CPSF1: variants seen among roughly 807,000 people sequenced by gnomAD.
The protein encoded by CPSF1 is cleavage and polyadenylation specific factor 1.
A neutral mutation model predicts 175.8 loss-of-function variants in CPSF1; 106 were observed. The observed-to-expected ratio is 0.60, with a 90% CI of 0.52 to 0.71. The LOEUF (loss-of-function observed/expected upper bound fraction) is 0.71, where lower values mean the gene tolerates loss of function less well. Among genes scored for constraint, CPSF1 ranks in the 30% least tolerant of loss-of-function variants. The pLI, the probability that CPSF1 is intolerant of heterozygous loss-of-function variation, is 0.00. For missense variants in CPSF1, 1,734 were observed against 2,022.9 expected (o/e 0.86, Z 2.74); for synonymous variants, 1,024 against 858.3 (o/e 1.19, Z -3.37).
intron 2 of CPSF1, among the ~76,000 whole-genome samples, chr8:144,407,381 CTTTTATA>C (rs57931871): frequency 0.089 from 13,587 of 152,090 alleles, 680 homozygotes; most frequent in Middle Eastern, 0.14. Context: ...GCCCAGCTAA[CTTTTATA>C]TTTTATATTT....
chr8:144,402,702 A>G (rs1040521660), intron 2 of CPSF1, among the ~76,000 whole-genome samples: 4 of 152,172 alleles, frequency 2.6e-5, no homozygotes, highest in African/African-American at 9.7e-5. Flanking sequence ...TCACAGCGAC[A>G]AGGGCAACTC....
In CPSF1 at chr8:144,400,575, C is replaced by T. The variant is rs1041372361; in HGVS notation, c.687-82G>A. On this transcript the variant is annotated intron_variant, in intron 7 of 37. Transcript: ENST00000616140. ...AGCTCCTCCCGAGCAAGCCCCACCA[C>T]ACCCCATAGGCCCCGCCCTAAACCC... 13 of 1,606,022 alleles carry T rather than the reference C, an allele frequency of 8.1e-6. No homozygotes were observed. In the East Asian group the frequency reaches 1.1e-4, roughly 14 times the overall value.
Position 144,398,327 on chromosome 8 carries a change from T to C in CPSF1, c.1869A>G (p.Pro623=). The C allele has an allele frequency of 1.7e-6, 2 of 1,148,006 alleles. No homozygotes were observed. Among genetic ancestry groups the C allele is most frequent in the East Asian group, 7.2e-5 (2 of 27,716 alleles). The allele number at this position is 1,148,006 out of a possible 1,614,324, so 71.1% of individuals were successfully genotyped here. A position where few individuals can be genotyped will look rare whatever the true frequency, so the allele number is the denominator to read the frequency against. ...CTCCTTCCAGCAGGCGGATGCCCAG[T>C]GGTGACACTTGGACAATGTAGCGGT... is the stretch of plus-strand genomic sequence containing the variant. ...GDNRYIVQVS[P]LGIRLLEGVN... is the part of the protein sequence containing the mutation. Residue 623 remains proline (P), a synonymous_variant, in exon 19 of 38, where the codon CCA becomes CCG. Coordinates refer to ENST00000616140, the MANE Select transcript of CPSF1 (RefSeq NM_013291.3).
In CPSF1 at chr8:144,394,635, C is replaced by A. The variant is rs781803683; in HGVS notation, c.3567+9G>T. 7 of 1,604,530 alleles carry A rather than the reference C, an allele frequency of 4.4e-6. No individual in the cohort carries two copies. In the South Asian group the frequency reaches 5.6e-5, roughly 13 times the overall value. On this transcript the variant is annotated intron_variant, in intron 31 of 37. Transcript: ENST00000616140. ...GCCGGGGGACACACGCCGGGTGGGA[C>A]TGGCACACCTTCTGGCCGATGGCCG...
chr8:144,405,795 A>T (rs1821468364), intron 2 of CPSF1, among the ~76,000 whole-genome samples: 1 of 152,100 alleles, frequency 6.6e-6, no homozygotes, highest in Admixed American at 6.6e-5. Flanking sequence ...TAGGGCTCTG[A>T]GTTCCTGCAA....
Position 144,399,087 on chromosome 8 carries a change from C to G in CPSF1, c.1467+41G>C, listed in dbSNP as rs2116858508. 63 of 1,545,492 alleles carry G rather than the reference C, an allele frequency of 4.1e-5. No individual in the cohort carries two copies. Among genetic ancestry groups the G allele is most frequent in the Non-Finnish European group, 5.2e-5 (60 of 1,144,284 alleles). On this transcript the variant is annotated intron_variant, in intron 15 of 37. Coordinates refer to ENST00000616140, the MANE Select transcript of CPSF1 (RefSeq NM_013291.3). The surrounding 1 kb of genome is among the most constrained non-coding windows in gnomAD (Gnocchi z 6.4). ...ACTATGCCCCCCACCCCCCCTCACA[C>G]TCCAGCCCCTGCCCCCAGCCCCGAC...
Position 144,397,314 on chromosome 8 carries a change from G to A in CPSF1, c.2485C>T (p.Gln829Ter), listed in dbSNP as rs1554864293. ...GCCTCCTCCCTGCGGGCCTCGCCCT[G>A]TGTAGTGGGCTGTCCAAAGGAGCTG... is the stretch of plus-strand genomic sequence containing the variant. ...VDSSFGQPTT[Q>*]GEARREEATR... The change falls in exon 23 of 38, where the codon CAG becomes TAG. Residue 829 changes from glutamine to a stop codon, truncating the protein, a stop_gained. Coordinates refer to ENST00000616140, the MANE Select transcript of CPSF1 (RefSeq NM_013291.3). LOFTEE classifies it high-confidence loss of function. 1.3e-6 allele frequency: 2 copies of A among 1,554,158 alleles called. No homozygotes were observed.
rs2116869653 is a variant in CPSF1, at chr8:144,400,059, G to A, written c.964C>T (p.Leu322=). Residue 322 remains leucine (L), a synonymous_variant, in exon 10 of 38, where the codon CTG becomes TTG. Transcript: ENST00000616140. ...ATGAAGGTGGCCTGGGCGCAGTCCA[G>A]GGTGATCCGCACACCCTCCTGGGTG... ...LRTQEGVRIT[L]DCAQATFISY... is the part of the protein sequence containing the mutation. 1.9e-6 allele frequency: 3 copies of A among 1,611,930 alleles called. No individual in the cohort carries two copies. The highest frequency in any genetic ancestry group is 2.5e-6 in the Non-Finnish European group (3 of 1,179,864).
intron 9 of CPSF1, 21 bp downstream of exon 9, chr8:144,400,145 C>CG: frequency 2.2e-6 from 3 of 1,367,638 alleles, no homozygotes; most frequent in Admixed American, 4.1e-5. Flanking sequence ...GCCCCCCCCG[C>CG]CCCAGCCACC....
At chr8:144,409,237 C>T in intron 1 of CPSF1, 52 bp downstream of exon 1, 1 of 1,271,786 alleles carries the variant, frequency 7.9e-7, no homozygotes, top group East Asian at 3.0e-5. Context: ...CCCCGCACCG[C>T]GCCCCTCCCC....
chr8:144,401,912 T>C (rs1048954673), intron 2 of CPSF1, among the ~76,000 whole-genome samples: 1 of 152,014 alleles, frequency 6.6e-6, no homozygotes, highest in Non-Finnish European at 1.5e-5. Context: ...AGGAAGCCCC[T>C]ACCTCACGGC....
At position 144,396,672 on chromosome 8, in the gene CPSF1, C is replaced by T. The variant is rs368124064; in HGVS notation, c.2752G>A (p.Ala918Thr). ...PSKKKAEGGG[A>T]EEGAGARGRV... ...CCCCGGGCCCCAGCCCCCTCCTCTG[C>T]GCCGCCACCTTCTGCTTTCTTCTTG... is the stretch of plus-strand genomic sequence containing the variant. The change falls in exon 25 of 38, where the codon GCA becomes ACA. Residue 918 changes from alanine (A) to threonine (T), a missense_variant. Physicochemically the swap from Ala to Thr is moderately conservative, Grantham distance 58. Transcript: ENST00000616140. 4.0e-5 allele frequency: 64 copies of T among 1,613,902 alleles called. 3 individuals are homozygous for T. In the South Asian group the frequency reaches 5.3e-4, roughly 13 times the overall value.
intron 1 of CPSF1, 44 bp from the exon 2 acceptor site, chr8:144,409,216 C>G: frequency 6.8e-7 from 1 of 1,461,866 alleles, no homozygotes; most frequent in Non-Finnish European, 9.1e-7. Flanking sequence ...GTCGCCCACG[C>G]AGGAGCCCGG....
At chr8:144,395,900 C>T (rs1554863562) in intron 26 of CPSF1, 1 of 436,546 alleles carries the variant, frequency 2.3e-6, no homozygotes, top group Non-Finnish European at 4.2e-6. Context: ...ATGGACAGTC[C>T]TGAGTCCTCA....
intron 1 of CPSF1, 32 bp from the exon 2 acceptor site, chr8:144,409,204 G>C (rs782088588): frequency 6.6e-7 from 1 of 1,507,756 alleles, no homozygotes; most frequent in Non-Finnish European, 8.9e-7. Flanking sequence ...AGGGTGAGCG[G>C]GGTCGCCCAC....
rs1463709761 is a variant in CPSF1, at chr8:144,394,290, G to A, written c.3755C>T (p.Pro1252Leu). The change falls in exon 33 of 38, where the codon CCC (proline) becomes CTC (leucine). Residue 1252 changes from proline (P) to leucine (L), a missense_variant. Coordinates refer to ENST00000616140, the MANE Select transcript of CPSF1 (RefSeq NM_013291.3). ...GAAGTCCACGCTGTACACCTCCAGGGGCTTGGCATCCTGGGGGCGGGAAGG... is the reference window on the plus strand; with the variant it reads ...GAAGTCCACGCTGTACACCTCCAGGAGCTTGGCATCCTGGGGGCGGGAAGG... Reference protein sequence around the residue: ...TLSLVSRDAKPLEVYSVDFMV... With the variant: ...TLSLVSRDAKLLEVYSVDFMV... The A allele has an allele frequency of 1.3e-6, 2 of 1,593,998 alleles. No homozygotes were observed. The highest frequency in any genetic ancestry group is 1.7e-6 in the Non-Finnish European group (2 of 1,168,318).
rs1554861838 is a variant in CPSF1 at position 144,393,233 on chromosome 8, A to T, written c.*85T>A. 2.8e-6 allele frequency: 4 copies of T among 1,408,786 alleles called. No homozygotes were observed. The highest frequency in any genetic ancestry group is 3.8e-6 in the Non-Finnish European group (4 of 1,056,356). The allele number at this position is 1,408,786 out of a possible 1,614,324, so 87.3% of individuals were successfully genotyped here. On this transcript the variant is annotated 3_prime_UTR_variant, in exon 38 of 38. Coordinates refer to ENST00000616140, the MANE Select transcript of CPSF1 (RefSeq NM_013291.3). ...CGTGTAATGACCACACACTCCTCTC[A>T]AGCAAAAAATGTTTTTCCTTGTGTT...
intron 2 of CPSF1, among the ~76,000 whole-genome samples, chr8:144,404,257 T>C (rs1821373305): frequency 6.6e-6 from 1 of 152,088 alleles, no homozygotes; most frequent in South Asian, 2.1e-4. Flanking sequence ...TTTTCCCTCT[T>C]GGTCAGGACC....
At chr8:144,406,870 G>A (rs1554869222) in intron 2 of CPSF1, among the ~76,000 whole-genome samples, 1 of 152,186 alleles carries the variant, frequency 6.6e-6, no homozygotes, top group African/African-American at 2.4e-5. Flanking sequence ...CCCCCACCAG[G>A]GTTGGTAGAT....
Sources: allele counts gnomAD v4.1 joint callset (sites outside exome capture counted in the v4.1 genomes callset), GRCh38; gene constraint gnomAD v4.1.1; non-coding constraint Gnocchi (gnomAD v3.1); transcripts MANE v1.5; gene names NCBI Gene and HGNC (gene_info 2026-07-23, HGNC 2026-07-21).